The following DIP2A variants were observed in gnomAD, a reference collection of about 807,000 sequenced individuals.
DIP2A encodes disco-interacting protein 2 homolog A.
A neutral mutation model predicts 177.4 loss-of-function variants in DIP2A; 85 were observed. That is an observed-to-expected ratio of 0.48 (90% CI 0.40 to 0.57). The LOEUF is 0.57. Ranked by LOEUF, DIP2A falls within the 20% of genes least tolerant of loss-of-function variation. The probability of loss-of-function intolerance (pLI) is 0.00; values close to 1 mark genes in which losing one functional copy is unlikely to be tolerated. For synonymous variants in DIP2A, 886 were observed against 881.8 expected (o/e 1.00, Z -0.08); for missense variants, 1,791 against 2,100.2 (o/e 0.85, Z 2.88).
At position 46,521,026 on chromosome 21, in the gene DIP2A, A is replaced by G. The variant is rs188485638; in HGVS notation, c.1103-8066A>G. On this transcript the variant is annotated intron_variant, in intron 8 of 37. Coordinates refer to ENST00000417564, the MANE Select transcript of DIP2A (RefSeq NM_015151.4). ...TTACAAAATAGAATCCCAGGTCACC[A>G]TAAGTCATTCATTTACCCAAAATGA... Among the ~76,000 whole-genome samples the G allele has an allele frequency of 5.6e-3, 854 of 152,354 alleles. 9 individuals are homozygous for G. The highest frequency in any genetic ancestry group is 0.019 in the African/African-American group (805 of 41,586).
At chr21:46,461,038 G>A (rs1191765265) in intron 1 of DIP2A, among the ~76,000 whole-genome samples, 3 of 151,716 alleles carry the variant, frequency 2.0e-5, no homozygotes, top group Non-Finnish European at 2.9e-5. Context: ...AGTACACAGT[G>A]GCTCATGCTT....
intron 3 of DIP2A, among the ~76,000 whole-genome samples, chr21:46,492,946 GA>G (rs75274340): frequency 0.31 from 46,213 of 147,106 alleles, 7,513 homozygotes; most frequent in Admixed American, 0.37. Context: ...AAAAAAGGAA[GA>G]AAAAAAAAAG....
rs2059623399 is a variant in DIP2A, at chr21:46,537,478, C to G, written c.1740C>G (p.Val580=). 6 of 1,614,232 alleles carry G rather than the reference C, an allele frequency of 3.7e-6. No homozygotes were observed. Among genetic ancestry groups the G allele is most frequent in the South Asian group, 3.3e-5 (3 of 91,090 alleles). The change falls in exon 15 of 38, where the codon GTC becomes GTG. Residue 580 remains valine, a synonymous_variant. Transcript: ENST00000417564. This position sits in a 1 kb window ranked among gnomAD's most constrained non-coding sequence, Gnocchi z 4.1. ...SVMNRMHVVS[V]PYALMKANPL... is the part of the protein sequence containing the mutation. ...TGAACAGGATGCACGTGGTCAGCGT[C>G]CCCTACGCGCTGATGAAGGCGAACC...
chr21:46,474,070 G>C (rs1165418391), intron 1 of DIP2A, among the ~76,000 whole-genome samples: 1 of 152,176 alleles, frequency 6.6e-6, no homozygotes, highest in Non-Finnish European at 1.5e-5. Context: ...AGATTTTGCT[G>C]GTCTGGACAG....
At chr21:46,496,624 A>ATTAG (rs1345754070) in intron 3 of DIP2A, among the ~76,000 whole-genome samples, 1 of 152,240 alleles carries the variant, frequency 6.6e-6, no homozygotes, top group Non-Finnish European at 1.5e-5. Context: ...ACGAATTTGT[A>ATTAG]TTAGGCTGCA....
rs777199682 is a variant in DIP2A, at chr21:46,558,244, T to C, written c.3820T>C (p.Cys1274Arg). The change falls in exon 32 of 38, where the codon TGT (cysteine) becomes CGT (arginine). Residue 1274 changes from cysteine (C) to arginine (R), a missense_variant. Physicochemically the swap from Cys to Arg is radical, Grantham distance 180. Coordinates refer to ENST00000417564, the MANE Select transcript of DIP2A (RefSeq NM_015151.4). ...VLRMKGVNLS[C>R]VRTCMVVAEE... ...GCAGATGAAGGGGGTGAACCTGTCA[T>C]GTGTGCGCACGTGCATGGTGGTCGC... The C allele has an allele frequency of 9.3e-6, 15 of 1,612,454 alleles. No individual in the cohort carries two copies. In the Admixed American group the frequency reaches 1.8e-4, roughly 20 times the overall value.
chr21:46,476,937 G>A lies in DIP2A; in HGVS notation c.92-7820G>A, dbSNP rs139812455. On this transcript the variant is annotated intron_variant, in intron 1 of 37. Transcript: ENST00000417564. ...CTTCCAAAGTGCTGAGATTACAGGC[G>A]TGAGCCACTGCAGCCAGCTCGTAGC... 1.5e-3 allele frequency among the ~76,000 whole-genome samples: 223 copies of A among 152,284 alleles called. 2 individuals carry two copies. The highest frequency in any genetic ancestry group is 6.8e-3 in the South Asian group (33 of 4,826).
In DIP2A at chr21:46,534,665, C is replaced by G; in HGVS notation, c.1620C>G (p.Thr540=). Reference sequence around the variant, plus strand: ...TGCTGGCACAGTGCCGGGCTCTGACCCAGGCGTGCGGGTACTCAGAAGGTA... The same window carrying G: ...TGCTGGCACAGTGCCGGGCTCTGACGCAGGCGTGCGGGTACTCAGAAGGTA... ...ASLLAQCRAL[T]QACGYSEAET... Residue 540 remains threonine (T), a synonymous_variant, in exon 13 of 38, where the codon ACC becomes ACG. Coordinates refer to ENST00000417564, the MANE Select transcript of DIP2A (RefSeq NM_015151.4). 1 of 1,610,684 alleles carries G rather than the reference C, an allele frequency of 6.2e-7. No individual in the cohort carries two copies. The highest frequency in any genetic ancestry group is 8.5e-7 in the Non-Finnish European group (1 of 1,179,828).
intron 3 of DIP2A, among the ~76,000 whole-genome samples, chr21:46,491,711 A>G (rs1026867057): frequency 2.0e-5 from 3 of 152,148 alleles, no homozygotes; most frequent in Admixed American, 1.3e-4. Context: ...TGTACTTTCC[A>G]TGAGAGTGGT....
intron 1 of DIP2A, among the ~76,000 whole-genome samples, chr21:46,473,354 T>G (rs1179639017): frequency 6.6e-6 from 1 of 151,692 alleles, no homozygotes; most frequent in African/African-American, 2.4e-5. Context: ...TCCCAACTAT[T>G]TGATAGGCCG....
chr21:46,554,130 G>A (rs781660262), intron 25 of DIP2A, 39 bp from the exon 26 acceptor site: 32 of 1,546,072 alleles, frequency 2.1e-5, no homozygotes, highest in South Asian at 1.6e-4. Context: ...CCACCTGCAC[G>A]CACCAGCATA....
At chr21:46,488,069 A>G (rs960175397) in intron 2 of DIP2A, among the ~76,000 whole-genome samples, 4 of 152,188 alleles carry the variant, frequency 2.6e-5, no homozygotes, top group African/African-American at 9.7e-5. Flanking sequence ...TATATGCTTT[A>G]TAGTCACAAC....
chr21:46,463,548 C>T (rs1471280784), intron 1 of DIP2A, among the ~76,000 whole-genome samples: 2 of 152,080 alleles, frequency 1.3e-5, no homozygotes, highest in East Asian at 3.8e-4. Context: ...TATATTCTAA[C>T]AATGCAGGAC....
intron 8 of DIP2A, among the ~76,000 whole-genome samples, chr21:46,518,620 G>T (rs1467458679): frequency 6.6e-6 from 1 of 152,192 alleles, no homozygotes; most frequent in Non-Finnish European, 1.5e-5. Context: ...ACTTTGGGAG[G>T]CTGAGATGGG....
chr21:46,516,100 T>C (rs1169763822), intron 8 of DIP2A, among the ~76,000 whole-genome samples: 5 of 152,184 alleles, frequency 3.3e-5, no homozygotes, highest in Non-Finnish European at 7.3e-5. Context: ...TGTTGCTCTA[T>C]TGACAGTAAT....
At chr21:46,547,262 T>C in intron 21 of DIP2A, 2 of 1,284,334 alleles carry the variant, frequency 1.6e-6, no homozygotes, top group Middle Eastern at 5.9e-4. Flanking sequence ...CTTAAGAAAA[T>C]AAGGTTTTGA....
intron 18 of DIP2A, among the ~76,000 whole-genome samples, chr21:46,542,949 GC>G (rs1208387863): frequency 3.9e-5 from 6 of 152,230 alleles, no homozygotes; most frequent in Non-Finnish European, 7.3e-5. Context: ...GGTGCTGGCA[GC>G]CCAGCCATCT....
chr21:46,544,385 T>C (rs759595283), intron 18 of DIP2A, among the ~76,000 whole-genome samples: 2 of 152,138 alleles, frequency 1.3e-5, no homozygotes, highest in South Asian at 2.1e-4. Flanking sequence ...GGGTGGTTCA[T>C]TGGGGAACTT....
intron 13 of DIP2A, 74 bp downstream of exon 13, chr21:46,534,761 TG>T: frequency 7.4e-7 from 1 of 1,353,254 alleles, no homozygotes; most frequent in Non-Finnish European, 1.0e-6. Flanking sequence ...ATCATGTGAC[TG>T]TCACTGCACC....
Sources: gnomAD v4.1 joint callset for allele counts (sites outside exome capture counted in the v4.1 genomes callset) on GRCh38, gnomAD v4.1.1 for gene constraint, Gnocchi (gnomAD v3.1) non-coding constraint, MANE v1.5 for transcripts, NCBI Gene and HGNC (gene_info 2026-07-23, HGNC 2026-07-21) for gene names.